The following UGGT1 variants were observed in gnomAD, a reference collection of about 807,000 sequenced individuals.
UGGT1 encodes UDP-glucose glycoprotein glucosyltransferase 1.
A neutral mutation model predicts 203.9 loss-of-function variants in UGGT1; 107 were observed. The ratio of observed to expected loss-of-function variants is 0.52; its 90% CI spans 0.45 to 0.62. The LOEUF (loss-of-function observed/expected upper bound fraction) is 0.62. UGGT1 is among the 20% of genes least tolerant of loss of function. The probability of loss-of-function intolerance (pLI) is 0.00; values close to 1 mark genes in which losing one functional copy is unlikely to be tolerated. For synonymous variants in UGGT1, 628 were observed against 653.5 expected, an observed-to-expected ratio of 0.96 and a Z score of 0.59; for missense variants, 1,673 against 1,867.2, an observed-to-expected ratio of 0.90 and a Z score of 1.92.
chr2:128,170,490 AG>A, intron 27 of UGGT1, 100 bp downstream of exon 27: 1 of 958,546 alleles, frequency 1.0e-6, no homozygotes, highest in Non-Finnish European at 1.7e-6. Flanking sequence ...TGCCTTCAAC[AG>A]GCACTGGACA....
intron 38 of UGGT1, among the ~76,000 whole-genome samples, chr2:128,185,469 CTTTTT>C (rs766681891): frequency 2.6e-5 from 3 of 113,400 alleles, no homozygotes; most frequent in Non-Finnish European, 5.0e-5. Context: ...CGTGCCCGGC[CTTTTT>C]TTTTTTTTTT....
chr2:128,170,412 T>C (rs1403550826), intron 27 of UGGT1, 22 bp downstream of exon 27: 1 of 1,600,984 alleles, frequency 6.2e-7, no homozygotes, highest in African/African-American at 1.3e-5. Context: ...GTGCAGGAAG[T>C]GTACATCACC....
intron 16 of UGGT1, chr2:128,139,972 G>C (rs1463098242): frequency 6.5e-6 from 1 of 153,724 alleles, no homozygotes; most frequent in African/African-American, 2.4e-5. Flanking sequence ...TGCTTGATGA[G>C]GTCCAGGTGC....
At chr2:128,179,355 G>T (rs1691565918) in intron 34 of UGGT1, among the ~76,000 whole-genome samples, 1 of 152,148 alleles carries the variant, frequency 6.6e-6, no homozygotes, top group Non-Finnish European at 1.5e-5. Context: ...CTAAAGCAGG[G>T]CCTCTGTGTA....
chr2:128,150,079 A>G (rs1689876005), intron 18 of UGGT1, among the ~76,000 whole-genome samples: 1 of 152,232 alleles, frequency 6.6e-6, no homozygotes, highest in African/African-American at 2.4e-5. Context: ...ATATGTATAT[A>G]CCTTTGTACA....
intron 16 of UGGT1, among the ~76,000 whole-genome samples, chr2:128,142,290 AC>A (rs1689470992): frequency 6.6e-6 from 1 of 151,498 alleles, no homozygotes; most frequent in Non-Finnish European, 1.5e-5. Context: ...ACTTAACAAG[AC>A]TGAGCTGATT....
chr2:128,142,801 G>A (rs954835184), intron 16 of UGGT1, among the ~76,000 whole-genome samples: 40 of 151,614 alleles, frequency 2.6e-4, no homozygotes, highest in Middle Eastern at 6.8e-3. Flanking sequence ...TGGCCAACAT[G>A]GTGAAACCTG....
At chr2:128,171,432 T>A (rs1691097133) in intron 28 of UGGT1, 148 bp downstream of exon 28, 2 of 734,460 alleles carry the variant, frequency 2.7e-6, no homozygotes, top group South Asian at 3.9e-5. Flanking sequence ...CAAATTTCAT[T>A]CTAATCAGAA....
rs1321560748 is a variant in UGGT1 at position 128,133,208 on chromosome 2, G to A, written c.1445G>A (p.Arg482Gln). ...SWPSSLQELLRPTFPGVIRQI... is the reference protein window; with the variant it reads ...SWPSSLQELLQPTFPGVIRQI... ...CCTTCTAGTTTACAAGAGTTGCTTC[G>A]ACCCACCTTTCCTGGTGTTATTCGG... Residue 482 changes from arginine (R) to glutamine (Q), a missense_variant, in exon 14 of 41, where the codon CGA becomes CAA. By Grantham distance (43) the Arg-to-Gln change is conservative (BLOSUM62 1). Around this residue, in one of 4 missense-constraint regions of UGGT1, gnomAD observed 1,073 missense variants for 1,078.7 expected, o/e 0.99. Coordinates refer to ENST00000259253, the MANE Select transcript of UGGT1 (RefSeq NM_020120.4). 8 of 1,614,022 alleles carry A rather than the reference G, an allele frequency of 5.0e-6. 1 individual carries two copies. The East Asian group carries it at 1.1e-4, about 22-fold the overall frequency.
At chr2:128,115,494 A>C (rs574355694) in intron 7 of UGGT1, among the ~76,000 whole-genome samples, 45 of 150,862 alleles carry the variant, frequency 3.0e-4, no homozygotes, top group African/African-American at 9.7e-4. Context: ...AAAAAAAAAA[A>C]AAAAAAAAAA....
In UGGT1 at chr2:128,173,826, C is replaced by T; in HGVS notation, c.3340C>T (p.Leu1114=). The change falls in exon 30 of 41, where the codon CTG becomes TTG. Residue 1114 remains leucine (L), a synonymous_variant. Transcript: ENST00000259253. The part of the protein sequence containing the change: ...AAEYELEYLL[L]EGHCYDITTG... ...TGAGTATGAGCTGGAATACCTGTTA[C>T]TGGAAGGTCATTGCTACGACATCAC... The T allele has an allele frequency of 6.2e-7, 1 of 1,614,146 alleles. No individual in the cohort carries two copies. Among genetic ancestry groups the T allele is most frequent in the Non-Finnish European group, 8.5e-7 (1 of 1,180,020 alleles).
At chr2:128,119,537 C>G (rs1688278159) in intron 8 of UGGT1, among the ~76,000 whole-genome samples, 1 of 152,180 alleles carries the variant, frequency 6.6e-6, no homozygotes, top group African/African-American at 2.4e-5. Flanking sequence ...CCCAGATCAC[C>G]TCTGCTTTAC....
At chr2:128,157,436 A>C in intron 22 of UGGT1, 90 bp downstream of exon 22, 1 of 978,424 alleles carries the variant, frequency 1.0e-6, no homozygotes, top group Non-Finnish European at 1.6e-6. Flanking sequence ...GTTCAGTGGG[A>C]GTTGGGAGTC....
chr2:128,145,098 C>A (rs904454232), intron 17 of UGGT1, among the ~76,000 whole-genome samples: 7 of 152,134 alleles, frequency 4.6e-5, no homozygotes, highest in Non-Finnish European at 8.8e-5. Flanking sequence ...TGTCTTAGAG[C>A]AATTGTTGAG....
chr2:128,161,238 A>T lies in UGGT1; in HGVS notation c.2795A>T (p.His932Leu). ...LKTSGQKIKS[H>L]IQQLRVEEDV... is the part of the protein sequence containing the mutation. ...ACCTCAGGACAGAAAATAAAATCTC[A>T]TATTCAACAGCTTCGGGTAGAAGAA... The change falls in exon 25 of 41, where the codon CAT becomes CTT. Residue 932 changes from histidine (H) to leucine (L), a missense_variant. Physicochemically the swap from His to Leu is moderately conservative, Grantham distance 99. This residue lies in a region of UGGT1 where 1,073 missense variants were observed against 1,078.7 expected (regional missense o/e 0.99). Coordinates refer to ENST00000259253, the MANE Select transcript of UGGT1 (RefSeq NM_020120.4). 6.2e-7 allele frequency: 1 copy of T among 1,611,140 alleles called. No individual in the cohort carries two copies. The highest frequency in any genetic ancestry group is 1.1e-5 in the South Asian group (1 of 91,004).
In UGGT1 at chr2:128,190,792, T is replaced by C. The variant is rs951298079; in HGVS notation, c.*1050T>C. ...ACTTTTCTCTACAAATGCCCTCAGA[T>C]GTAAGACCAGAAATGATTCTGCTTG... On this transcript the variant is annotated 3_prime_UTR_variant, in exon 41 of 41. Coordinates refer to ENST00000259253, the MANE Select transcript of UGGT1 (RefSeq NM_020120.4). 6 of 152,278 alleles carry C rather than the reference T, an allele frequency of 3.9e-5. No individual in the cohort carries two copies. The highest frequency in any genetic ancestry group is 1.4e-4 in the African/African-American group (6 of 41,464). The allele number at this position is 152,278 out of a possible 1,614,324, so 9.4% of individuals were successfully genotyped here.
At chr2:128,141,021 G>C (rs182374616) in intron 16 of UGGT1, among the ~76,000 whole-genome samples, 2 of 151,430 alleles carry the variant, frequency 1.3e-5, no homozygotes, top group East Asian at 4.0e-4. Context: ...AAGTAATACT[G>C]CTCACTGTAA....
At chr2:128,157,906 A>C (rs1329346950) in intron 22 of UGGT1, among the ~76,000 whole-genome samples, 1 of 152,172 alleles carries the variant, frequency 6.6e-6, no homozygotes, top group Non-Finnish European at 1.5e-5. Flanking sequence ...GAGATGTCAA[A>C]ATTCTTTTTC....
At chr2:128,168,674 G>A (rs560968020) in intron 26 of UGGT1, among the ~76,000 whole-genome samples, 2 of 152,304 alleles carry the variant, frequency 1.3e-5, no homozygotes, top group East Asian at 1.9e-4. Flanking sequence ...GTTCATTAGA[G>A]GTTCCTGCTC....
Sources: allele counts gnomAD v4.1 joint callset (sites outside exome capture counted in the v4.1 genomes callset), GRCh38; gene constraint gnomAD v4.1.1; regional missense constraint gnomAD v4.1.1; transcripts MANE v1.5; gene names NCBI Gene and HGNC (gene_info 2026-07-23, HGNC 2026-07-21).